FBXL4: variants seen among roughly 807,000 people sequenced by gnomAD.
The protein encoded by FBXL4 is F-box/LRR-repeat protein 4.
Under a neutral mutation model 58.9 loss-of-function variants are expected in FBXL4, and 40 were observed. The ratio of observed to expected loss-of-function variants is 0.68; its 90% CI spans 0.53 to 0.88. The LOEUF is 0.88. Ranked by LOEUF, FBXL4 falls within the 40% of genes least tolerant of loss-of-function variation. The pLI is 0.00. For missense variants in FBXL4, 676 were observed against 734.4 expected (o/e 0.92, Z 0.92); for synonymous variants, 263 against 265.5 (o/e 0.99, Z 0.09).
At chr6:98,890,754 A>C (rs1337752364) in intron 7 of FBXL4, among the ~76,000 whole-genome samples, 1 of 152,056 alleles carries the variant, frequency 6.6e-6, no homozygotes, top group Non-Finnish European at 1.5e-5. Flanking sequence ...CCCTATCCCT[A>C]CTAAAAGTAT....
intron 1 of FBXL4, among the ~76,000 whole-genome samples, chr6:98,945,333 T>C (rs1268187420): frequency 6.6e-6 from 1 of 152,208 alleles, no homozygotes; most frequent in East Asian, 1.9e-4. Context: ...CAAGATACTA[T>C]TATATGCACT....
Position 98,926,502 on chromosome 6 carries a change from A to C in FBXL4, c.487T>G (p.Ser163Ala). The stretch of plus-strand genomic sequence containing the variant: ...CTTACTTCAGCTGGTGGATTTGGGG[A>C]ATAAGGATTTGCAGAACAAGCGAGA... ...RILACSANPY[S>A]PNPPAEVRWE... Residue 163 changes from serine (S) to alanine (A), a missense_variant, in exon 4 of 10, where the codon TCC (serine) becomes GCC (alanine). Transcript: ENST00000369244. The C allele has an allele frequency of 6.2e-7, 1 of 1,610,140 alleles. No homozygotes were observed. The highest frequency in any genetic ancestry group is 1.1e-5 in the South Asian group (1 of 90,714).
Position 98,919,526 on chromosome 6 carries a change from T to C in FBXL4, c.513-1807A>G, listed in dbSNP as rs188121990. ...ATAGAGCAGGCTGTGGCAGGTTTAA[T>C]GAGGAAAGAGAAGCAGGCTGGGTAT... On this transcript the variant is annotated intron_variant, in intron 4 of 9. Coordinates refer to ENST00000369244, the MANE Select transcript of FBXL4 (RefSeq NM_001278716.2). Among the ~76,000 whole-genome samples, 99 of 152,128 alleles carry C rather than the reference T, an allele frequency of 6.5e-4. 1 individual carries two copies. The highest frequency in any genetic ancestry group is 6.3e-3 in the Admixed American group (97 of 15,286).
At chr6:98,933,475 C>G (rs1260293425) in intron 2 of FBXL4, among the ~76,000 whole-genome samples, 4 of 152,166 alleles carry the variant, frequency 2.6e-5, no homozygotes, top group Non-Finnish European at 2.9e-5. Flanking sequence ...TGCTTTCATG[C>G]CTCAGCATCC....
At chr6:98,905,034 T>C (rs931903455) in intron 6 of FBXL4, among the ~76,000 whole-genome samples, 1 of 152,222 alleles carries the variant, frequency 6.6e-6, no homozygotes, top group Non-Finnish European at 1.5e-5. Flanking sequence ...TTAAAAATGT[T>C]CTATAATAAA....
intron 5 of FBXL4, among the ~76,000 whole-genome samples, chr6:98,907,272 AGGGTTTTAAACTAG>A (rs1280732350): frequency 6.6e-6 from 1 of 152,196 alleles, no homozygotes; most frequent in Non-Finnish European, 1.5e-5. Flanking sequence ...GGAGTCCTGA[AGGGTTTTAAACTAG>A]GGGTTTTAAA....
At chr6:98,928,350 CAG>C (rs1412507736) in intron 2 of FBXL4, among the ~76,000 whole-genome samples, 1 of 150,574 alleles carries the variant, frequency 6.6e-6, no homozygotes, top group African/African-American at 2.4e-5. Flanking sequence ...TTTTTCGAGA[CAG>C]GGTGTCTCTC....
rs10633715 is a variant in FBXL4 at position 98,920,819 on chromosome 6, TACAC to T, written c.513-3104_513-3101del. ...ACATGTACATATGGGTACACACACA[TACAC>T]ACACACACACACACACACACACACA... On this transcript the variant is annotated intron_variant, in intron 4 of 9. Coordinates refer to ENST00000369244, the MANE Select transcript of FBXL4 (RefSeq NM_001278716.2). Among the ~76,000 whole-genome samples the T allele has an allele frequency of 9.8e-3, 1,425 of 144,882 alleles. 19 individuals are homozygous for T. The highest frequency in any genetic ancestry group is 0.041 in the East Asian group (196 of 4,832).
At chr6:98,912,899 A>C (rs534314444) in intron 5 of FBXL4, among the ~76,000 whole-genome samples, 2 of 152,232 alleles carry the variant, frequency 1.3e-5, no homozygotes, top group Admixed American at 6.5e-5. Flanking sequence ...ATAAAGAGTC[A>C]AGACCCATCA....
chr6:98,913,822 G>C (rs1215345461), intron 5 of FBXL4, among the ~76,000 whole-genome samples: 1 of 152,042 alleles, frequency 6.6e-6, no homozygotes, highest in Non-Finnish European at 1.5e-5. Context: ...AATCAGAGCA[G>C]AACTGAAGGA....
At chr6:98,945,057 T>C (rs966197786) in intron 1 of FBXL4, among the ~76,000 whole-genome samples, 3 of 152,188 alleles carry the variant, frequency 2.0e-5, no homozygotes, top group Non-Finnish European at 2.9e-5. Context: ...TTTTAACAAA[T>C]TGTATAAATT....
intron 4 of FBXL4, among the ~76,000 whole-genome samples, chr6:98,921,221 A>C (rs1009923076): frequency 2.6e-5 from 4 of 152,100 alleles, no homozygotes; most frequent in Non-Finnish European, 4.4e-5. Flanking sequence ...ATGACTGCTG[A>C]CCTGTTATAC....
chr6:98,895,599 G>A (rs1027847105), intron 7 of FBXL4, among the ~76,000 whole-genome samples: 4 of 152,134 alleles, frequency 2.6e-5, no homozygotes, highest in Admixed American at 6.5e-5. Context: ...TGTGCCAGCA[G>A]GCAATTTATT....
At position 98,922,820 on chromosome 6, in the gene FBXL4, TTTTG is replaced by T. The variant is rs756356215; in HGVS notation, c.512+3653_512+3656del. On this transcript the variant is annotated intron_variant, in intron 4 of 9. Coordinates refer to ENST00000369244, the MANE Select transcript of FBXL4 (RefSeq NM_001278716.2). ...ATGGTGATGACAGGTAACATTGGCA[TTTTG>T]TTTGTCTTTTTACTGTATGTTAATT... Among the ~76,000 whole-genome samples the T allele has an allele frequency of 7.7e-4, 118 of 152,292 alleles. 1 individual carries two copies. Among genetic ancestry groups the T allele is most frequent in the Middle Eastern group, 3.4e-3 (1 of 294 alleles).
chr6:98,898,600 G>A (rs1252262031), intron 7 of FBXL4: 28 of 973,634 alleles, frequency 2.9e-5, no homozygotes, highest in East Asian at 2.3e-4. Context: ...GTGAGACTCC[G>A]TCTCAAAAAA....
At chr6:98,884,671 T>C (rs908787326) in intron 7 of FBXL4, among the ~76,000 whole-genome samples, 4 of 152,208 alleles carry the variant, frequency 2.6e-5, no homozygotes, top group Admixed American at 2.0e-4. Flanking sequence ...TGTCTAAAAA[T>C]GTATTTTCAT....
At chr6:98,893,303 T>C (rs762033301) in intron 7 of FBXL4, among the ~76,000 whole-genome samples, 3 of 152,208 alleles carry the variant, frequency 2.0e-5, no homozygotes, top group Non-Finnish European at 4.4e-5. Context: ...ATCAGAAATT[T>C]ACTTGCTTAC....
chr6:98,893,491 A>T (rs1472262546), intron 7 of FBXL4, among the ~76,000 whole-genome samples: 1 of 152,058 alleles, frequency 6.6e-6, no homozygotes, highest in Non-Finnish European at 1.5e-5. Context: ...ATTAGGCTCT[A>T]CCCTAATGAC....
chr6:98,913,516 C>G (rs542835437), intron 5 of FBXL4, among the ~76,000 whole-genome samples: 65 of 152,202 alleles, frequency 4.3e-4, no homozygotes, highest in Admixed American at 6.5e-4. Flanking sequence ...GAAACTCACT[C>G]AAAACCGCTC....
Sources: allele counts gnomAD v4.1 joint callset (sites outside exome capture counted in the v4.1 genomes callset), GRCh38; gene constraint gnomAD v4.1.1; transcripts MANE v1.5; gene names NCBI Gene and HGNC (gene_info 2026-07-23, HGNC 2026-07-21).